PDE10A: variants seen among roughly 807,000 people sequenced by gnomAD.
The protein encoded by PDE10A is phosphodiesterase 10A.
A neutral mutation model predicts 97.7 loss-of-function variants in PDE10A; 39 were observed. The ratio of observed to expected loss-of-function variants is 0.40; its 90% CI spans 0.31 to 0.52. The LOEUF is 0.52. PDE10A is among the 20% of genes least tolerant of loss of function. PDE10A has a pLI of 0.56. For synonymous variants in PDE10A, 371 were observed against 376.8 expected, an observed-to-expected ratio of 0.98 and a Z score of 0.18; for missense variants, 731 against 1,047.8, an observed-to-expected ratio of 0.70 and a Z score of 4.17.
intron 1 of PDE10A, among the ~76,000 whole-genome samples, chr6:165,867,334 A>T (rs2500462): frequency 0.72 from 109,661 of 151,454 alleles, 40,162 homozygotes; most frequent in East Asian, 0.96. Context: ...GAAAAAAAAA[A>T]TCCACACAAA....
chr6:165,941,400 C>G (rs1037331309), intron 1 of PDE10A, among the ~76,000 whole-genome samples: 2 of 152,172 alleles, frequency 1.3e-5, no homozygotes, highest in African/African-American at 4.8e-5. Flanking sequence ...CTGTCTAAAC[C>G]AGACAGACTC....
intron 1 of PDE10A, among the ~76,000 whole-genome samples, chr6:165,766,752 A>G (rs1777861118): frequency 6.6e-6 from 1 of 152,248 alleles, no homozygotes; most frequent in South Asian, 2.1e-4. Flanking sequence ...GGCACTTCAG[A>G]GGTATTTAAA....
intron 1 of PDE10A, among the ~76,000 whole-genome samples, chr6:165,654,430 G>A (rs955877305): frequency 3.3e-5 from 5 of 151,760 alleles, no homozygotes; most frequent in Admixed American, 2.6e-4. Flanking sequence ...TGAGAGAAAT[G>A]GCGGTCAGAA....
At chr6:165,812,391 T>G (rs1162413341) in intron 1 of PDE10A, among the ~76,000 whole-genome samples, 2 of 152,096 alleles carry the variant, frequency 1.3e-5, no homozygotes, top group African/African-American at 4.8e-5. Flanking sequence ...TCAGCAAAAT[T>G]TATCAGTGGT....
chr6:165,735,048 G>A (rs1001783081), intron 1 of PDE10A, among the ~76,000 whole-genome samples: 6 of 152,000 alleles, frequency 3.9e-5, no homozygotes, highest in Admixed American at 3.3e-4. Flanking sequence ...TAGATAATAG[G>A]GAGGTAGACA....
chr6:165,699,743 CAA>C (rs1426591585), intron 1 of PDE10A, among the ~76,000 whole-genome samples: 2 of 151,942 alleles, frequency 1.3e-5, no homozygotes, highest in Admixed American at 6.6e-5. Context: ...ACCAATGGGT[CAA>C]AAATCAAAAA....
At chr6:165,697,026 C>A (rs1184735740) in intron 1 of PDE10A, among the ~76,000 whole-genome samples, 1 of 152,086 alleles carries the variant, frequency 6.6e-6, no homozygotes, top group Non-Finnish European at 1.5e-5. Flanking sequence ...GAAAAATGAA[C>A]AGAGCCTCAG....
At chr6:165,584,848 G>A (rs1224880330) in intron 1 of PDE10A, among the ~76,000 whole-genome samples, 1 of 152,180 alleles carries the variant, frequency 6.6e-6, no homozygotes, top group East Asian at 1.9e-4. Flanking sequence ...AGAACCCTGA[G>A]CAACAGGCTG....
rs116098268 is a variant in PDE10A at position 165,647,343 on chromosome 6, C to G, written c.865+14604G>C. Among the ~76,000 whole-genome samples the G allele has an allele frequency of 4.6e-3, 708 of 152,326 alleles. 7 individuals carry two copies. The highest frequency in any genetic ancestry group is 0.016 in the African/African-American group (675 of 41,566). Reference sequence around the variant, plus strand: ...GGGCCTTCCCACTCAACCCCAGCAGCAGGAGACCCAACAGCATCGTTCTGC... The same window carrying G: ...GGGCCTTCCCACTCAACCCCAGCAGGAGGAGACCCAACAGCATCGTTCTGC... On this transcript the variant is annotated intron_variant, in intron 1 of 21. Transcript: ENST00000539869.
chr6:165,794,414 TC>T (rs1334854362), intron 1 of PDE10A, among the ~76,000 whole-genome samples: 2 of 149,870 alleles, frequency 1.3e-5, no homozygotes, highest in Admixed American at 1.3e-4. Flanking sequence ...CATCACACAC[TC>T]CTACACTCAC....
At chr6:165,782,606 C>T (rs1291993527) in intron 1 of PDE10A, among the ~76,000 whole-genome samples, 3 of 152,360 alleles carry the variant, frequency 2.0e-5, no homozygotes, top group Middle Eastern at 3.4e-3. Flanking sequence ...GACATTTCCT[C>T]TGGAACTTGG....
intron 2 of PDE10A, among the ~76,000 whole-genome samples, chr6:165,516,141 T>TA (rs1328988256): frequency 6.6e-6 from 1 of 152,196 alleles, no homozygotes; most frequent in East Asian, 1.9e-4. Context: ...CCCCTTCACT[T>TA]AGTGCTGTAT....
In PDE10A at chr6:165,864,043, G is replaced by A. The variant is rs76890982; in HGVS notation, c.-615+123486C>T. Among the ~76,000 whole-genome samples, 8 of 152,314 alleles carry A rather than the reference G, an allele frequency of 5.3e-5. 1 individual carries two copies. In the East Asian group the frequency reaches 5.8e-4, roughly 11 times the overall value. On this transcript the variant is annotated intron_variant, in intron 1 of 19. Transcript: ENST00000366882. ...CTGAAATAAATTGGGCTGTGGGAGC[G>A]TAGGTTGGTTGTGTAACCTGCCCAA...
At chr6:165,699,861 T>C (rs2128443411) in intron 1 of PDE10A, among the ~76,000 whole-genome samples, 1 of 152,232 alleles carries the variant, frequency 6.6e-6, no homozygotes, top group South Asian at 2.1e-4. Flanking sequence ...CAGCTGTAAA[T>C]ACTTATATTA....
intron 13 of PDE10A, among the ~76,000 whole-genome samples, chr6:165,399,212 T>C (rs1365436220): frequency 1.3e-5 from 2 of 152,106 alleles, no homozygotes; most frequent in South Asian, 2.1e-4. Flanking sequence ...AATAGACAAA[T>C]AGAAAAATCC....
chr6:165,386,034 T>C (rs1181181553), intron 17 of PDE10A, among the ~76,000 whole-genome samples: 1 of 152,194 alleles, frequency 6.6e-6, no homozygotes, highest in Non-Finnish European at 1.5e-5. Flanking sequence ...TATTCTCCCA[T>C]GCCTTTTTGA....
chr6:165,860,865 G>A (rs1780883185), intron 1 of PDE10A, among the ~76,000 whole-genome samples: 3 of 152,298 alleles, frequency 2.0e-5, no homozygotes, highest in East Asian at 1.9e-4. Context: ...AAGGGCTCCC[G>A]CACCCATTGC....
intron 1 of PDE10A, among the ~76,000 whole-genome samples, chr6:165,706,143 T>C (rs1055494853): frequency 3.3e-5 from 5 of 152,170 alleles, no homozygotes; most frequent in Admixed American, 3.3e-4. Context: ...CAGGAGTGCT[T>C]GGCTTTGCAG....
intron 1 of PDE10A, among the ~76,000 whole-genome samples, chr6:165,793,271 A>G (rs1041137440): frequency 2.0e-5 from 3 of 151,984 alleles, no homozygotes; most frequent in African/African-American, 7.3e-5. Context: ...TCTTTTTTGT[A>G]TCTTAATTGT....
Sources: gnomAD v4.1 joint callset for allele counts (sites outside exome capture counted in the v4.1 genomes callset) on GRCh38, gnomAD v4.1.1 for gene constraint, MANE v1.5 for transcripts, NCBI Gene and HGNC (gene_info 2026-07-23, HGNC 2026-07-21) for gene names.